Variants in SF3B1 observed in about 807,000 individuals in gnomAD.
SF3B1 encodes splicing factor 3b subunit 1.
A neutral mutation model predicts 153.8 loss-of-function variants in SF3B1; 12 were observed. The ratio of observed to expected loss-of-function variants is 0.08; its 90% confidence interval spans 0.05 to 0.13. The LOEUF (loss-of-function observed/expected upper bound fraction) is 0.13, where lower values mean the gene tolerates loss of function less well. Among genes scored for constraint, SF3B1 ranks in the 10% least tolerant of loss-of-function variants. The pLI is 1.00. For missense variants in SF3B1, 513 were observed against 1,606.1 expected, an observed-to-expected ratio of 0.32 and a Z score of 11.63; for synonymous variants, 498 against 525.2, an observed-to-expected ratio of 0.95 and a Z score of 0.71.
At chr2:197,423,144 T>TGGGA (rs1226580029) in intron 2 of SF3B1, among the ~76,000 whole-genome samples, 1 of 152,122 alleles carries the variant, frequency 6.6e-6, no homozygotes, top group Non-Finnish European at 1.5e-5. Context: ...CGCAGCACTT[T>TGGGA]GGGAGGCCAA....
chr2:197,424,301 C>A (rs2085296403), intron 1 of SF3B1, among the ~76,000 whole-genome samples: 1 of 152,058 alleles, frequency 6.6e-6, no homozygotes, highest in Non-Finnish European at 1.5e-5. Flanking sequence ...AGTTCGAGAC[C>A]AACCTGGCCA....
chr2:197,431,104 C>CTTTTTT lies in SF3B1; in HGVS notation c.28+3862_28+3867dup, dbSNP rs558644461. 4.1e-5 allele frequency among the ~76,000 whole-genome samples: 3 copies of CTTTTTT among 73,710 alleles called. No individual in the cohort carries two copies. The Admixed American group carries it at 5.8e-4, about 14-fold the overall frequency. 48.4% of individuals were successfully genotyped at this position (73,710 alleles called of 152,430 possible). A position where few individuals can be genotyped will look rare whatever the true frequency, so the allele number is the denominator to read the frequency against. ...GATTTCCCCTCCTGTGCCTTTTCTT[C>CTTTTTT]TTTTTTTTTTTTTTTTTTTTTTTTT... On this transcript the variant is annotated intron_variant, in intron 1 of 24. Coordinates refer to ENST00000335508, the MANE Select transcript of SF3B1 (RefSeq NM_012433.4).
intron 1 of SF3B1, among the ~76,000 whole-genome samples, chr2:197,430,189 T>TA (rs1395686196): frequency 1.3e-5 from 2 of 152,196 alleles, no homozygotes; most frequent in African/African-American, 2.4e-5. Context: ...AAACAAAGTT[T>TA]AAAAGAATGG....
rs771959570 is a variant in SF3B1, at chr2:197,402,516, A to G, written c.2077+40T>C. On this transcript the variant is annotated intron_variant, in intron 14 of 24. Coordinates refer to ENST00000335508, the MANE Select transcript of SF3B1 (RefSeq NM_012433.4). The surrounding 1 kb of genome is among the most constrained non-coding windows in gnomAD (Gnocchi z 4.6). ...GCAACATAGTAAGACCCTGTCTCCT[A>G]AAGAAAAAAAAAAAAAGACAAAGTT... is the stretch of plus-strand genomic sequence containing the variant. The G allele has an allele frequency of 7.0e-6, 11 of 1,574,772 alleles. No homozygotes were observed. In the East Asian group the frequency reaches 1.1e-4, roughly 16 times the overall value.
At chr2:197,429,891 A>G (rs2085400172) in intron 1 of SF3B1, among the ~76,000 whole-genome samples, 1 of 152,118 alleles carries the variant, frequency 6.6e-6, no homozygotes, top group African/African-American at 2.4e-5. Flanking sequence ...GGGTGCTTCC[A>G]TTGCTTGTAG....
At chr2:197,395,962 T>C in intron 23 of SF3B1, 94 bp downstream of exon 23, 1 of 1,119,024 alleles carries the variant, frequency 8.9e-7, no homozygotes, top group Non-Finnish European at 1.3e-6. Context: ...TTTAACTATG[T>C]TACAGTAAAA....
chr2:197,407,329 G>GCACGGT (rs1244258168), intron 9 of SF3B1, among the ~76,000 whole-genome samples: 1 of 152,034 alleles, frequency 6.6e-6, no homozygotes, highest in East Asian at 1.9e-4. Flanking sequence ...AAAAGGCCAG[G>GCACGGT]CACGGTAACT....
Position 197,400,492 on chromosome 2 carries a change from A to C in SF3B1, c.2719-58T>G. 7.0e-7 allele frequency: 1 copy of C among 1,421,478 alleles called. No homozygotes were observed. Among genetic ancestry groups the C allele is most frequent in the Non-Finnish European group, 9.6e-7 (1 of 1,041,774 alleles). The allele number at this position is 1,421,478 out of a possible 1,614,324, so 88.1% of individuals were successfully genotyped here. ...ATTTGGTTTATGACTGCACAGTTGA[A>C]ATACACTAAGAGTCAACCTTTTCTA... On this transcript the variant is annotated intron_variant, in intron 18 of 24. Transcript: ENST00000335508. The surrounding 1 kb of genome is among the most constrained non-coding windows in gnomAD (Gnocchi z 5.0).
At position 197,390,354 on chromosome 2, in the gene SF3B1, T is replaced by G. The variant is rs1447408916; in HGVS notation, c.*1949A>C. The G allele has an allele frequency of 6.6e-6, 1 of 152,100 alleles. No individual in the cohort carries two copies. The highest frequency in any genetic ancestry group is 1.5e-5 in the Non-Finnish European group (1 of 68,044). 9.4% of individuals were successfully genotyped at this position (152,100 alleles called of 1,614,324 possible). ...TTTCCTGAGTCATTTAACATCAAATTTTGGCTTTGTAATCTATTTGTATTC... is the reference window on the plus strand; with the variant it reads ...TTTCCTGAGTCATTTAACATCAAATGTTGGCTTTGTAATCTATTTGTATTC... On this transcript the variant is annotated 3_prime_UTR_variant, in exon 25 of 25. Transcript: ENST00000335508.
chr2:197,395,113 T>C (rs1284657905), intron 23 of SF3B1, among the ~76,000 whole-genome samples: 2 of 152,242 alleles, frequency 1.3e-5, no homozygotes, highest in Non-Finnish European at 2.9e-5. Context: ...TCAATGGAAT[T>C]ACTCCCTTAA....
chr2:197,396,840 G>A (rs1419901285), intron 22 of SF3B1, among the ~76,000 whole-genome samples: 2 of 152,074 alleles, frequency 1.3e-5, no homozygotes, highest in African/African-American at 4.8e-5. Context: ...AGGGACATTG[G>A]GGCTAAAAGC....
intron 5 of SF3B1, among the ~76,000 whole-genome samples, chr2:197,417,676 G>C (rs2085172202): frequency 6.6e-6 from 1 of 151,940 alleles, no homozygotes; most frequent in South Asian, 2.1e-4. Flanking sequence ...AGAATCGCTT[G>C]GACCCAGGAG....
intron 21 of SF3B1, 26 bp downstream of exon 21, chr2:197,398,435 T>C: frequency 6.2e-7 from 1 of 1,610,456 alleles, no homozygotes; most frequent in Non-Finnish European, 8.5e-7. Flanking sequence ...ATACTGCTTA[T>C]AAAAATGTGT....
intron 3 of SF3B1, 55 bp from the exon 4 acceptor site, chr2:197,420,597 A>G (rs951771376): frequency 5.1e-5 from 61 of 1,196,794 alleles, no homozygotes; most frequent in Non-Finnish European, 6.8e-5. Context: ...ACAAAACAGA[A>G]TATCATAAAC....
At chr2:197,416,283 C>A (rs906132917) in intron 6 of SF3B1, among the ~76,000 whole-genome samples, 1 of 152,158 alleles carries the variant, frequency 6.6e-6, no homozygotes, top group Non-Finnish European at 1.5e-5. Context: ...AACATACCTA[C>A]AGGTCTGTAT....
At chr2:197,422,629 G>A (rs1423378797) in intron 2 of SF3B1, among the ~76,000 whole-genome samples, 1 of 152,098 alleles carries the variant, frequency 6.6e-6, no homozygotes, top group East Asian at 1.9e-4. Context: ...GGTGGCTCAC[G>A]CCTGTAATCC....
chr2:197,398,458 T>C lies in SF3B1; in HGVS notation c.3134+3A>G, dbSNP rs879080987. 6.2e-7 allele frequency: 1 copy of C among 1,613,276 alleles called. No homozygotes were observed. ...TATAAAAATGTGTGGGTAATCTGCT[T>C]ACCTGTCAGCAATACGACCAACAAG... is the stretch of plus-strand genomic sequence containing the variant. On this transcript the variant is annotated splice_donor_region_variant and intron_variant, in intron 21 of 24. Coordinates refer to ENST00000335508, the MANE Select transcript of SF3B1 (RefSeq NM_012433.4).
At chr2:197,394,890 G>A (rs2084857532) in intron 23 of SF3B1, among the ~76,000 whole-genome samples, 1 of 151,642 alleles carries the variant, frequency 6.6e-6, no homozygotes, top group African/African-American at 2.4e-5. Flanking sequence ...GGGTGACACA[G>A]CAAAACTCCG....
chr2:197,408,309 A>G, intron 8 of SF3B1, 60 bp downstream of exon 8: 3 of 1,520,764 alleles, frequency 2.0e-6, no homozygotes, highest in Non-Finnish European at 2.7e-6. Flanking sequence ...AATACCACAA[A>G]GGAAAAAATT....
Sources: gnomAD v4.1 joint callset for allele counts (sites outside exome capture counted in the v4.1 genomes callset) on GRCh38, gnomAD v4.1.1 for gene constraint, Gnocchi (gnomAD v3.1) non-coding constraint, MANE v1.5 for transcripts, NCBI Gene and HGNC (gene_info 2026-07-23, HGNC 2026-07-21) for gene names.